Variants in CDHR5 observed in about 807,000 individuals in gnomAD.
The protein encoded by CDHR5 is cadherin related family member 5.
A neutral mutation model predicts 69.5 loss-of-function variants in CDHR5; 82 were observed. That is an observed-to-expected ratio of 1.18 (90% confidence interval 0.99 to 1.42). CDHR5 has a LOEUF of 1.42. Among genes scored for constraint, CDHR5 ranks in the 40% most tolerant of loss-of-function variants. The pLI, the probability that CDHR5 is intolerant of heterozygous loss-of-function variation, is 0.00. For synonymous variants in CDHR5, 601 were observed against 510.2 expected (o/e 1.18, Z -2.40); for missense variants, 1,293 against 1,168.9 (o/e 1.11, Z -1.55).
rs957201771 is a variant in CDHR5 at position 620,425 on chromosome 11, G to A, written c.790-39C>T. 10 of 1,433,926 alleles carry A rather than the reference G, an allele frequency of 7.0e-6. No individual in the cohort carries two copies. The African/African-American group carries it at 8.4e-5, about 12-fold the overall frequency. 88.8% of individuals were successfully genotyped at this position (1,433,926 alleles called of 1,614,324 possible). On this transcript the variant is annotated intron_variant, in intron 7 of 14. Transcript: ENST00000397542. ...GGAAGGGAGGGCACGTCGTGGGGCT[G>A]GGGTGGATGGCCCCAGCCTGGCCCC...
chr11:620,139 G>A lies in CDHR5; in HGVS notation c.906C>T (p.Ile302=). The part of the protein sequence containing the change: ...FRGNVNGTFI[I]HPDSGNLTVA... ...CGGTGAGGTTGCCCGAGTCTGGGTG[G>A]ATGATGAATGTACCATTCACGTTTC... Residue 302 remains isoleucine (I), a synonymous_variant, in exon 9 of 15, where the codon ATC becomes ATT. Transcript: ENST00000397542. 1 of 1,613,692 alleles carries A rather than the reference G, an allele frequency of 6.2e-7. No individual in the cohort carries two copies. Among genetic ancestry groups the A allele is most frequent in the Non-Finnish European group, 8.5e-7 (1 of 1,179,758 alleles).
At position 619,294 on chromosome 11, in the gene CDHR5, A is replaced by AG; in HGVS notation, c.1378+11dup. The AG allele has an allele frequency of 1.9e-6, 3 of 1,582,526 alleles. No homozygotes were observed. The highest frequency in any genetic ancestry group is 2.6e-6 in the Non-Finnish European group (3 of 1,155,304). On this transcript the variant is annotated intron_variant, in intron 12 of 14. Transcript: ENST00000397542. Reference sequence around the variant, plus strand: ...GAGAACCCTGGGGGCTCACCTGTGGAGGGGGGCTTACCTGTGGAGGGGGGC... The same window carrying AG: ...GAGAACCCTGGGGGCTCACCTGTGGAGGGGGGGCTTACCTGTGGAGGGGGGC...
chr11:619,901 C>A lies in CDHR5; in HGVS notation c.979-20G>T. ...TTGGCCCTGGAGGCGGGGGAGGCAGCAGTGACTAGTGGGGTTGAAGGTGGA... is the reference window on the plus strand; with the variant it reads ...TTGGCCCTGGAGGCGGGGGAGGCAGAAGTGACTAGTGGGGTTGAAGGTGGA... On this transcript the variant is annotated intron_variant, in intron 9 of 14. Coordinates refer to ENST00000397542, the MANE Select transcript of CDHR5 (RefSeq NM_021924.5). 1 of 1,520,390 alleles carries A rather than the reference C, an allele frequency of 6.6e-7. No individual in the cohort carries two copies. Among genetic ancestry groups the A allele is most frequent in the Non-Finnish European group, 8.8e-7 (1 of 1,134,280 alleles). The allele number at this position is 1,520,390 out of a possible 1,614,324, so 94.2% of individuals were successfully genotyped here. A position where few individuals can be genotyped will look rare whatever the true frequency, so the allele number is the denominator to read the frequency against.
intron 9 of CDHR5, 65 bp from the exon 10 acceptor site, chr11:619,946 GC>G: frequency 6.9e-7 from 1 of 1,444,006 alleles, no homozygotes; most frequent in African/African-American, 1.4e-5. Flanking sequence ...GAAGGCTGGG[GC>G]TCAGGAAAGG....
chr11:619,493 G>C lies in CDHR5; in HGVS notation c.1274C>G (p.Ala425Gly), dbSNP rs780895140. Reference protein sequence around the residue: ...VVLTTTTLAQAGAFYAEVEAH... With the variant: ...VVLTTTTLAQGGAFYAEVEAH... ...CCGCACCTCTGCGTAGAAGGCTCCCGCCTGTGCCAGTGTGGTGGTGGTCAG... is the reference window on the plus strand; with the variant it reads ...CCGCACCTCTGCGTAGAAGGCTCCCCCCTGTGCCAGTGTGGTGGTGGTCAG... Residue 425 changes from alanine to glycine, a missense_variant, in exon 11 of 15, where the codon GCG becomes GGG. Transcript: ENST00000397542. The C allele has an allele frequency of 3.1e-6, 5 of 1,613,130 alleles. No homozygotes were observed. The South Asian group carries it at 4.4e-5, about 14-fold the overall frequency.
At position 624,928 on chromosome 11, in the gene CDHR5, G is replaced by C; in HGVS notation, c.-26C>G. The stretch of plus-strand genomic sequence containing the variant: ...CTTGGCGGCTGTCACCTGGCAGGAG[G>C]GTCTGAGCGGGTCTGGCGTCTAGGA... On this transcript the variant is annotated 5_prime_UTR_variant, in exon 1 of 15. Coordinates refer to ENST00000397542, the MANE Select transcript of CDHR5 (RefSeq NM_021924.5). This position sits in a 1 kb window ranked among gnomAD's most constrained non-coding sequence, Gnocchi z 5.3. 1 of 1,517,672 alleles carries C rather than the reference G, an allele frequency of 6.6e-7. No individual in the cohort carries two copies. Among genetic ancestry groups the C allele is most frequent in the East Asian group, 2.4e-5 (1 of 40,842 alleles). The allele number at this position is 1,517,672 out of a possible 1,614,324, so 94.0% of individuals were successfully genotyped here.
intron 3 of CDHR5, among the ~76,000 whole-genome samples, chr11:623,563 G>A (rs556266323): frequency 3.9e-5 from 6 of 152,210 alleles, no homozygotes; most frequent in East Asian, 3.9e-4. Context: ...GTCCTGAGCC[G>A]GTGAGGGAGG....
chr11:623,347 T>TA (rs1245814211), intron 3 of CDHR5, among the ~76,000 whole-genome samples: 4 of 152,018 alleles, frequency 2.6e-5, no homozygotes, highest in Non-Finnish European at 4.4e-5. Flanking sequence ...TATCCCAAGA[T>TA]ATGTGCAGGT....
chr11:620,256 A>T, intron 8 of CDHR5, 40 bp downstream of exon 8: 1 of 1,585,406 alleles, frequency 6.3e-7, no homozygotes, highest in Non-Finnish European at 8.6e-7. Context: ...ACAGGGACAG[A>T]GGGGGTACAG....
rs1256482668 is a variant in CDHR5, at chr11:617,288, C to A, written c.*63G>T. ...AGCCTTGCTTTATTCTGCCTCGGGT[C>A]GGAGGCTGGGGGAGCGAGACCTCCA... On this transcript the variant is annotated 3_prime_UTR_variant, in exon 15 of 15. Transcript: ENST00000397542. The A allele has an allele frequency of 7.6e-6, 10 of 1,311,716 alleles. No homozygotes were observed. Among genetic ancestry groups the A allele is most frequent in the South Asian group, 2.7e-5 (2 of 74,918 alleles). 81.3% of individuals were successfully genotyped at this position (1,311,716 alleles called of 1,614,324 possible).
chr11:619,542 A>AGT lies in CDHR5; in HGVS notation c.1223_1224dup (p.Phe409ThrfsTer10), dbSNP rs781236195. ...AGCACAACCTCTCCCTCCATCCGGA[A>AGT]GTGTGAGTGGTTGGTAATTCGATAT... On this transcript the variant is annotated frameshift_variant, in exon 11 of 15. Coordinates refer to ENST00000397542, the MANE Select transcript of CDHR5 (RefSeq NM_021924.5). LOFTEE classifies it high-confidence loss of function. 1.2e-6 allele frequency: 2 copies of AGT among 1,613,828 alleles called. No homozygotes were observed. Among genetic ancestry groups the AGT allele is most frequent in the African/African-American group, 2.7e-5 (2 of 74,892 alleles).
chr11:619,054 G>A lies in CDHR5; in HGVS notation c.1505C>T (p.Pro502Leu), dbSNP rs1171169164. ...STTSSGGGTG[P>L]HPPSGTTLRP... ...CAGAGTTGTGCCAGAGGGTGGATGAGGGCCTGTGCCTCCCCCAGAGCTGGT... is the reference window on the plus strand; with the variant it reads ...CAGAGTTGTGCCAGAGGGTGGATGAAGGCCTGTGCCTCCCCCAGAGCTGGT... Residue 502 changes from proline (P) to leucine (L), a missense_variant, in exon 13 of 15, where the codon CCT (proline) becomes CTT (leucine). Pro to Leu is a moderately conservative substitution (Grantham distance 98). Transcript: ENST00000397542. 6.2e-7 allele frequency: 1 copy of A among 1,613,174 alleles called. No individual in the cohort carries two copies. Among genetic ancestry groups the A allele is most frequent in the Non-Finnish European group, 8.5e-7 (1 of 1,179,788 alleles).
In CDHR5 at chr11:621,236, C is replaced by G. The variant is rs1857361592; in HGVS notation, c.633G>C (p.Glu211Asp). Residue 211 changes from glutamate to aspartate, a missense_variant, in exon 7 of 15, where the codon GAG (glutamate) becomes GAC (aspartate). Coordinates refer to ENST00000397542, the MANE Select transcript of CDHR5 (RefSeq NM_021924.5). The surrounding 1 kb of genome is among the most constrained non-coding windows in gnomAD (Gnocchi z 4.4). ...FWLLVRDTPG[E>D]NVEPSHTATA... ...TGGCAGTGTGGCTGGGTTCCACATT[C>G]TCCCCCGGAGTGTCCTGCAACAGAC... The G allele has an allele frequency of 6.3e-7, 1 of 1,596,664 alleles. No homozygotes were observed. The highest frequency in any genetic ancestry group is 1.7e-5 in the Admixed American group (1 of 58,624).
chr11:617,287 T>C lies in CDHR5; in HGVS notation c.*64A>G, dbSNP rs1856968132. On this transcript the variant is annotated 3_prime_UTR_variant, in exon 15 of 15. Coordinates refer to ENST00000397542, the MANE Select transcript of CDHR5 (RefSeq NM_021924.5). The stretch of plus-strand genomic sequence containing the variant: ...GAGCCTTGCTTTATTCTGCCTCGGG[T>C]CGGAGGCTGGGGGAGCGAGACCTCC... 3 of 1,301,476 alleles carry C rather than the reference T, an allele frequency of 2.3e-6. No homozygotes were observed. The highest frequency in any genetic ancestry group is 3.2e-6 in the Non-Finnish European group (3 of 930,722). 80.6% of individuals were successfully genotyped at this position (1,301,476 alleles called of 1,614,324 possible).
intron 3 of CDHR5, among the ~76,000 whole-genome samples, chr11:623,944 G>A (rs949557402): frequency 6.6e-6 from 1 of 152,132 alleles, no homozygotes; most frequent in African/African-American, 2.4e-5. Flanking sequence ...TGACTGGCAG[G>A]ATAAAGGTGC....
Position 621,543 on chromosome 11 carries a change from C to T in CDHR5, c.507+19G>A, listed in dbSNP as rs1011143321. 1.2e-6 allele frequency: 2 copies of T among 1,601,680 alleles called. No homozygotes were observed. The highest frequency in any genetic ancestry group is 2.7e-5 in the African/African-American group (2 of 74,530). On this transcript the variant is annotated intron_variant, in intron 5 of 14. Transcript: ENST00000397542. This position sits in a 1 kb window ranked among gnomAD's most constrained non-coding sequence, Gnocchi z 4.4. ...CAGAGGCGAGGGGCTCGTGCTGGGG[C>T]AGGGTGGGCGGCACTGACTGCTGTC...
At chr11:622,058 C>T (rs988014458) in intron 3 of CDHR5, among the ~76,000 whole-genome samples, 154 bp from the exon 4 acceptor site, 1 of 142,150 alleles carries the variant, frequency 7.0e-6, no homozygotes, top group Non-Finnish European at 1.6e-5. Context: ...GGCCACCCGT[C>T]CCTGCTGTGA....
intron 13 of CDHR5, 96 bp from the exon 14 acceptor site, chr11:618,207 C>T: frequency 9.5e-7 from 1 of 1,056,486 alleles, no homozygotes; most frequent in East Asian, 2.5e-5. Flanking sequence ...CACTTGGGTT[C>T]CACCCAGGCC....
rs761566276 is a variant in CDHR5, at chr11:624,711, A to T, written c.107T>A (p.Ile36Asn). 5.0e-6 allele frequency: 8 copies of T among 1,610,092 alleles called. No homozygotes were observed. The highest frequency in any genetic ancestry group is 6.8e-6 in the Non-Finnish European group (8 of 1,177,430). Residue 36 changes from isoleucine to asparagine, a missense_variant, in exon 2 of 15, where the codon ATC (isoleucine) becomes AAC (asparagine). Ile to Asn is a moderately radical substitution (Grantham distance 149, BLOSUM62 -3). Transcript: ENST00000397542. The surrounding 1 kb of genome is among the most constrained non-coding windows in gnomAD (Gnocchi z 5.3). ...QAQYCSVNKD[I>N]FEVEENTNVT... is the part of the protein sequence containing the mutation. ...ATTTGTGTTCTCCTCTACTTCAAAG[A>T]TGTCCTTGTTCACAGAGCAGTCTGT...
Sources: gnomAD v4.1 joint callset for allele counts (sites outside exome capture counted in the v4.1 genomes callset) on GRCh38, gnomAD v4.1.1 for gene constraint, Gnocchi (gnomAD v3.1) non-coding constraint, MANE v1.5 for transcripts, NCBI Gene and HGNC (gene_info 2026-07-23, HGNC 2026-07-21) for gene names.